IRAK3: variants seen among roughly 807,000 people sequenced by gnomAD.
IRAK3 encodes the protein interleukin 1 receptor associated kinase 3, also known as interleukin-1 receptor-associated kinase 3.
Under a neutral mutation model 56.6 loss-of-function variants are expected in IRAK3, and 57 were observed. The ratio of observed to expected loss-of-function variants is 1.01; its 90% CI spans 0.81 to 1.26. The LOEUF (loss-of-function observed/expected upper bound fraction) is 1.26, where lower values mean the gene tolerates loss of function less well. Among genes scored for constraint, IRAK3 ranks in the 50% most tolerant of loss-of-function variants. The pLI, the probability that IRAK3 is intolerant of heterozygous loss-of-function variation, is 0.00. For synonymous variants in IRAK3, 258 were observed against 255.7 expected, an observed-to-expected ratio of 1.01 and a Z score of -0.09; for missense variants, 703 against 719.0, an observed-to-expected ratio of 0.98 and a Z score of 0.25.
rs1399269118 is a variant in IRAK3 at position 66,247,779 on chromosome 12, TCTC to T, written c.1403_1405del (p.Pro468del). 2 of 1,614,024 alleles carry T rather than the reference TCTC, an allele frequency of 1.2e-6. No homozygotes were observed. The highest frequency in any genetic ancestry group is 8.5e-7 in the Non-Finnish European group (1 of 1,179,966). The stretch of plus-strand genomic sequence containing the variant: ...ATCACTAAAGTCCTTCAGGTGTCCT[TCTC>T]CTCTATTCCTGGAGAATGTACCAAG... On this transcript the variant is annotated inframe_deletion, in exon 12 of 12. Coordinates refer to ENST00000261233, the MANE Select transcript of IRAK3 (RefSeq NM_007199.3).
At chr12:66,198,828 T>C (rs2052480547) in intron 1 of IRAK3, among the ~76,000 whole-genome samples, 1 of 151,430 alleles carries the variant, frequency 6.6e-6, no homozygotes, top group African/African-American at 2.4e-5. Flanking sequence ...CAATCTTGGC[T>C]CACTGTAGCT....
In IRAK3 at chr12:66,250,204, A is replaced by T. The variant is rs900369245; in HGVS notation, c.*2033A>T. 2.0e-5 allele frequency: 3 copies of T among 152,222 alleles called. No individual in the cohort carries two copies. The highest frequency in any genetic ancestry group is 7.2e-5 in the African/African-American group (3 of 41,458). The allele number at this position is 152,222 out of a possible 1,614,324, so 9.4% of individuals were successfully genotyped here. On this transcript the variant is annotated 3_prime_UTR_variant, in exon 12 of 12. Coordinates refer to ENST00000261233, the MANE Select transcript of IRAK3 (RefSeq NM_007199.3). ...AAACCATTTTCAGAGGATTTACTGAATTTTCCTCTCCAAGGAGCTTGTAAT... is the reference window on the plus strand; with the variant it reads ...AAACCATTTTCAGAGGATTTACTGATTTTTCCTCTCCAAGGAGCTTGTAAT...
At position 66,250,171 on chromosome 12, in the gene IRAK3, A is replaced by T. The variant is rs887532676; in HGVS notation, c.*2000A>T. On this transcript the variant is annotated 3_prime_UTR_variant, in exon 12 of 12. Transcript: ENST00000261233. ...ACTCCTTATGATGATGGATAGAAAC[A>T]CTGAAGAAAACCATTTTCAGAGGAT... 3 of 152,252 alleles carry T rather than the reference A, an allele frequency of 2.0e-5. No individual in the cohort carries two copies. The highest frequency in any genetic ancestry group is 2.0e-4 in the Admixed American group (3 of 15,286). 9.4% of individuals were successfully genotyped at this position (152,252 alleles called of 1,614,324 possible). A position where few individuals can be genotyped will look rare whatever the true frequency, so the allele number is the denominator to read the frequency against.
rs11465987 is a variant in IRAK3, at chr12:66,247,727, C to G, written c.1347C>G (p.Ser449Arg). The G allele has an allele frequency of 6.2e-7, 1 of 1,613,856 alleles. No individual in the cohort carries two copies. Among genetic ancestry groups the G allele is most frequent in the Non-Finnish European group, 8.5e-7 (1 of 1,179,750 alleles). ...ATACTCTTGAAAGTACTCAAGCCAG[C>G]TTGTATTTTGCTGAAGATCCTCCCA... ...VLNTLESTQA[S>R]LYFAEDPPTS... Residue 449 changes from serine to arginine, a missense_variant, in exon 12 of 12, where the codon AGC becomes AGG. By Grantham distance (110) the Ser-to-Arg change is moderately radical. Coordinates refer to ENST00000261233, the MANE Select transcript of IRAK3 (RefSeq NM_007199.3).
chr12:66,199,500 G>T (rs1264350573), intron 1 of IRAK3, among the ~76,000 whole-genome samples: 2 of 152,154 alleles, frequency 1.3e-5, no homozygotes, highest in African/African-American at 4.8e-5. Context: ...CCCCAGGATA[G>T]TGTACTCTAT....
chr12:66,200,221 A>C lies in IRAK3; in HGVS notation c.134-3490A>C, dbSNP rs372598211. Among the ~76,000 whole-genome samples the C allele has an allele frequency of 2.6e-5, 4 of 152,226 alleles. No homozygotes were observed. In the East Asian group the frequency reaches 7.7e-4, roughly 29 times the overall value. ...AGATATGACCTTGTGTATATCAGTC[A>C]GGATAAACTAAGTTATGCTGCAGTA... On this transcript the variant is annotated intron_variant, in intron 1 of 11. Transcript: ENST00000261233.
Position 66,248,211 on chromosome 12 carries a change from G to A in IRAK3, c.*40G>A. ...TAAAGAAAAAAGCAAGTATTGCATAGGCACCTGAGCATAGGTATGACCTTG... is the reference window on the plus strand; with the variant it reads ...TAAAGAAAAAAGCAAGTATTGCATAAGCACCTGAGCATAGGTATGACCTTG... On this transcript the variant is annotated 3_prime_UTR_variant, in exon 12 of 12. Coordinates refer to ENST00000261233, the MANE Select transcript of IRAK3 (RefSeq NM_007199.3). 7.0e-7 allele frequency: 1 copy of A among 1,436,078 alleles called. No homozygotes were observed. Among genetic ancestry groups the A allele is most frequent in the Non-Finnish European group, 9.8e-7 (1 of 1,019,076 alleles). 89.0% of individuals were successfully genotyped at this position (1,436,078 alleles called of 1,614,324 possible).
chr12:66,246,964 A>G (rs2053039297), intron 11 of IRAK3, among the ~76,000 whole-genome samples: 1 of 152,112 alleles, frequency 6.6e-6, no homozygotes, highest in Admixed American at 6.5e-5. Context: ...ACTTTAAAAG[A>G]GCTCCCTAAA....
intron 8 of IRAK3, among the ~76,000 whole-genome samples, chr12:66,240,563 A>G (rs2052957124): frequency 6.6e-6 from 1 of 152,066 alleles, no homozygotes; most frequent in Non-Finnish European, 1.5e-5. Flanking sequence ...GTCTTGCCTC[A>G]TCTGGTTAGG....
At chr12:66,222,490 T>C (rs1292285286) in intron 6 of IRAK3, among the ~76,000 whole-genome samples, 1 of 152,140 alleles carries the variant, frequency 6.6e-6, no homozygotes, top group East Asian at 1.9e-4. Flanking sequence ...CTTATGATCC[T>C]TAGTGTTTCT....
chr12:66,244,954 A>G lies in IRAK3; in HGVS notation c.1093A>G (p.Met365Val). The G allele has an allele frequency of 6.2e-7, 1 of 1,610,110 alleles. No individual in the cohort carries two copies. The highest frequency in any genetic ancestry group is 8.5e-7 in the Non-Finnish European group (1 of 1,176,276). The change falls in exon 10 of 12, where the codon ATG (methionine) becomes GTG (valine). Residue 365 changes from methionine to valine, a missense_variant. Coordinates refer to ENST00000261233, the MANE Select transcript of IRAK3 (RefSeq NM_007199.3). ...TTCTATATATTCCTTGTAGGTAATA[A>G]TGGAAGTTCTAACAGGATGTAGAGT... ...TDVYSFGIVI[M>V]EVLTGCRVVL...
chr12:66,242,597 G>A (rs1398980168), intron 8 of IRAK3, among the ~76,000 whole-genome samples: 1 of 152,166 alleles, frequency 6.6e-6, no homozygotes, highest in Non-Finnish European at 1.5e-5. Flanking sequence ...AATGACAACT[G>A]TGCTCATTGA....
intron 8 of IRAK3, among the ~76,000 whole-genome samples, chr12:66,238,715 A>G (rs1362623344): frequency 6.6e-6 from 1 of 152,228 alleles, no homozygotes; most frequent in African/African-American, 2.4e-5. Flanking sequence ...TGTCAAAGAC[A>G]CAGCTCAGAA....
intron 11 of IRAK3, among the ~76,000 whole-genome samples, chr12:66,245,755 C>T (rs200229420): frequency 6.6e-6 from 1 of 151,956 alleles, no homozygotes; most frequent in East Asian, 1.9e-4. Flanking sequence ...TGGTCTCGAA[C>T]TCCTGACCTC....
At chr12:66,247,584 T>C in intron 11 of IRAK3, 111 bp from the exon 12 acceptor site, 2 of 753,040 alleles carry the variant, frequency 2.7e-6, no homozygotes, top group Non-Finnish European at 4.5e-6. Flanking sequence ...ATTCTATAGC[T>C]GAACTAATTT....
At chr12:66,214,672 T>A (rs2052650012) in intron 5 of IRAK3, among the ~76,000 whole-genome samples, 1 of 152,148 alleles carries the variant, frequency 6.6e-6, no homozygotes, top group East Asian at 1.9e-4. Context: ...GACTATATAT[T>A]AGAATTATCT....
chr12:66,235,954 C>G (rs1419297349), intron 8 of IRAK3, among the ~76,000 whole-genome samples: 1 of 152,132 alleles, frequency 6.6e-6, no homozygotes, highest in Non-Finnish European at 1.5e-5. Context: ...TCAGACCTTA[C>G]TGTCTCAAAC....
At chr12:66,197,680 T>G (rs2052467879) in intron 1 of IRAK3, 1 of 985,332 alleles carries the variant, frequency 1.0e-6, no homozygotes, top group Non-Finnish European at 1.2e-6. Context: ...AAAATGCCTT[T>G]GTCTAATCTA....
chr12:66,222,129 A>G (rs2052740421), intron 6 of IRAK3, among the ~76,000 whole-genome samples: 2 of 152,350 alleles, frequency 1.3e-5, no homozygotes, highest in South Asian at 4.1e-4. Context: ...ATATTGGCAT[A>G]TAACGTTTTC....
Sources: allele counts gnomAD v4.1 joint callset (sites outside exome capture counted in the v4.1 genomes callset), GRCh38; gene constraint gnomAD v4.1.1; transcripts MANE v1.5; gene names NCBI Gene and HGNC (gene_info 2026-07-23, HGNC 2026-07-21).